The following TNKS variants were observed in gnomAD, a reference collection of about 807,000 sequenced individuals.
TNKS encodes the protein tankyrase, also known as poly [ADP-ribose] polymerase tankyrase-1.
In TNKS, 72 loss-of-function variants were observed where a neutral mutation model predicts 135.8. The ratio of observed to expected loss-of-function variants is 0.53; its 90% confidence interval spans 0.44 to 0.64. The LOEUF is 0.64. Among genes scored for constraint, TNKS ranks in the 30% least tolerant of loss-of-function variants. TNKS has a pLI of 0.00. For missense variants in TNKS, 1,769 were observed against 1,674.0 expected (o/e 1.06, Z -0.99); for synonymous variants, 849 against 649.3 (o/e 1.31, Z -4.68).
intron 3 of TNKS, among the ~76,000 whole-genome samples, chr8:9,645,756 A>G (rs972615134): frequency 1.3e-5 from 2 of 152,140 alleles, no homozygotes; most frequent in African/African-American, 4.8e-5. Flanking sequence ...TATTCCTGTC[A>G]TTTTAACTTT....
chr8:9,659,292 G>A (rs1016947262), intron 3 of TNKS, among the ~76,000 whole-genome samples: 3 of 152,112 alleles, frequency 2.0e-5, no homozygotes, highest in African/African-American at 7.2e-5. Flanking sequence ...GTTCTTTTCA[G>A]CACCACACCA....
intron 1 of TNKS, among the ~76,000 whole-genome samples, chr8:9,579,669 A>G (rs994394943): frequency 2.0e-5 from 3 of 152,138 alleles, no homozygotes; most frequent in Non-Finnish European, 4.4e-5. Flanking sequence ...GGGTATCACC[A>G]TGTTGGCCAG....
rs1257931232 is a variant in TNKS at position 9,735,493 on chromosome 8, A to G, written c.2643+7A>G. 4 of 1,609,672 alleles carry G rather than the reference A, an allele frequency of 2.5e-6. No individual in the cohort carries two copies. The highest frequency in any genetic ancestry group is 3.3e-5 in the Admixed American group (2 of 59,956). ...TAATGCGGCATCTTATGGGGTAAGC[A>G]TACTAACATTAAAATCTAGAAAACT... On this transcript the variant is annotated splice_region_variant and intron_variant, in intron 17 of 26. Transcript: ENST00000310430.
Position 9,706,986 on chromosome 8 carries a change from A to C in TNKS, c.1445A>C (p.Glu482Ala), listed in dbSNP as rs1185052320. 6.3e-7 allele frequency: 1 copy of C among 1,596,220 alleles called. No individual in the cohort carries two copies. The highest frequency in any genetic ancestry group is 8.5e-7 in the Non-Finnish European group (1 of 1,172,510). Residue 482 changes from glutamate to alanine, a missense_variant, in exon 8 of 27, where the codon GAG becomes GCG. Transcript: ENST00000310430. Reference protein sequence around the residue: ...VDMAPTPELRERLTYEFKGHS... With the variant: ...VDMAPTPELRARLTYEFKGHS... Reference sequence around the variant, plus strand: ...ATGGCTCCAACTCCGGAGCTTAGGGAGAGATTGACTTGTACGTATTTATAT... The same window carrying C: ...ATGGCTCCAACTCCGGAGCTTAGGGCGAGATTGACTTGTACGTATTTATAT...
At chr8:9,742,783 T>A (rs1806035442) in intron 17 of TNKS, among the ~76,000 whole-genome samples, 1 of 149,574 alleles carries the variant, frequency 6.7e-6, no homozygotes, top group South Asian at 2.1e-4. Context: ...TCCTTAAATA[T>A]ATATACTTAT....
chr8:9,683,208 T>C (rs959913076), intron 5 of TNKS, among the ~76,000 whole-genome samples: 3 of 151,998 alleles, frequency 2.0e-5, no homozygotes, highest in Non-Finnish European at 2.9e-5. Context: ...TGGGTGCTAA[T>C]GGAGATTGGG....
At chr8:9,585,308 C>T (rs911667228) in intron 2 of TNKS, among the ~76,000 whole-genome samples, 4 of 151,544 alleles carry the variant, frequency 2.6e-5, no homozygotes, top group Admixed American at 6.6e-5. Flanking sequence ...GGAACATCAA[C>T]GTCATTTTAA....
chr8:9,579,214 A>T (rs1014487727), intron 1 of TNKS, among the ~76,000 whole-genome samples: 2 of 152,096 alleles, frequency 1.3e-5, no homozygotes, highest in African/African-American at 4.8e-5. Context: ...CTCATTTGCC[A>T]TATCGTTTCC....
At chr8:9,662,034 A>G (rs758460924) in intron 3 of TNKS, among the ~76,000 whole-genome samples, 29 of 152,216 alleles carry the variant, frequency 1.9e-4, no homozygotes, top group Non-Finnish European at 4.0e-4. Flanking sequence ...CAAAACCACA[A>G]TGAGATACCA....
chr8:9,592,923 A>G (rs981703344), intron 2 of TNKS, among the ~76,000 whole-genome samples: 2 of 152,216 alleles, frequency 1.3e-5, no homozygotes, highest in African/African-American at 2.4e-5. Flanking sequence ...TATGCAAATT[A>G]TGTTTAGATT....
intron 2 of TNKS, among the ~76,000 whole-genome samples, chr8:9,603,712 C>A (rs1799107296): frequency 6.6e-6 from 1 of 152,110 alleles, no homozygotes; most frequent in African/African-American, 2.4e-5. Flanking sequence ...GAAAGAAGAA[C>A]CCTGGTTTAT....
intron 3 of TNKS, among the ~76,000 whole-genome samples, chr8:9,667,469 A>C (rs568944748): frequency 2.0e-5 from 3 of 152,238 alleles, no homozygotes; most frequent in Non-Finnish European, 2.9e-5. Flanking sequence ...GGAGTCGCCT[A>C]TTCAGGGATT....
At position 9,589,560 on chromosome 8, in the gene TNKS, A is replaced by G. The variant is rs186719375; in HGVS notation, c.898+9177A>G. ...GTCCACTCTTGTTGCTAAACCTGAGATGCAAAGAATCTGATGCCCCACTTT... is the reference window on the plus strand; with the variant it reads ...GTCCACTCTTGTTGCTAAACCTGAGGTGCAAAGAATCTGATGCCCCACTTT... On this transcript the variant is annotated intron_variant, in intron 2 of 26. Coordinates refer to ENST00000310430, the MANE Select transcript of TNKS (RefSeq NM_003747.3). Among the ~76,000 whole-genome samples the G allele has an allele frequency of 6.1e-3, 927 of 152,306 alleles. 13 individuals are homozygous for G. Among genetic ancestry groups the G allele is most frequent in the South Asian group, 0.036 (175 of 4,826 alleles).
chr8:9,767,315 G>C (rs1290824938), intron 25 of TNKS, among the ~76,000 whole-genome samples: 1 of 152,106 alleles, frequency 6.6e-6, no homozygotes, highest in Non-Finnish European at 1.5e-5. Flanking sequence ...GGCGAAAAAA[G>C]TACTTTCCCT....
chr8:9,574,363 A>T (rs1007899773), intron 1 of TNKS, among the ~76,000 whole-genome samples: 1 of 152,162 alleles, frequency 6.6e-6, no homozygotes, highest in Non-Finnish European at 1.5e-5. Flanking sequence ...AGAGCCAGTC[A>T]TCTTTGCTTT....
intron 5 of TNKS, among the ~76,000 whole-genome samples, chr8:9,691,281 G>C (rs1803254511): frequency 6.6e-6 from 1 of 152,100 alleles, no homozygotes; most frequent in Middle Eastern, 3.4e-3. Flanking sequence ...TTTTTGTCCT[G>C]CTATATTAAA....
intron 3 of TNKS, among the ~76,000 whole-genome samples, chr8:9,661,485 A>T (rs984612456): frequency 1.6e-4 from 25 of 152,118 alleles, no homozygotes; most frequent in Non-Finnish European, 2.8e-4. Flanking sequence ...CAATGGGGAA[A>T]GGATTCCCTA....
chr8:9,624,551 G>A (rs933299770), intron 3 of TNKS, among the ~76,000 whole-genome samples: 1 of 152,156 alleles, frequency 6.6e-6, no homozygotes, highest in South Asian at 2.1e-4. Context: ...ATCACAGCCA[G>A]GATATTGACA....
intron 12 of TNKS, among the ~76,000 whole-genome samples, chr8:9,722,884 A>G (rs1804962586): frequency 6.6e-6 from 1 of 152,190 alleles, no homozygotes; most frequent in South Asian, 2.1e-4. Context: ...TATCAGATCC[A>G]TATAATACTT....
Sources: allele counts gnomAD v4.1 joint callset (sites outside exome capture counted in the v4.1 genomes callset), GRCh38; gene constraint gnomAD v4.1.1; transcripts MANE v1.5; gene names NCBI Gene and HGNC (gene_info 2026-07-23, HGNC 2026-07-21).